The following FAM117A variants were observed in gnomAD, a reference collection of about 807,000 sequenced individuals.
The protein encoded by FAM117A is family with sequence similarity 117 member A, also known as protein FAM117A.
In FAM117A, 21 loss-of-function variants were observed where a neutral mutation model predicts 44.1. The observed-to-expected ratio is 0.48, with a 90% CI of 0.34 to 0.69. FAM117A has a LOEUF of 0.69. FAM117A is among the 30% of genes least tolerant of loss of function. The pLI is 0.01. For synonymous variants in FAM117A, 220 were observed against 238.3 expected, an observed-to-expected ratio of 0.92 and a Z score of 0.71; for missense variants, 498 against 589.9, an observed-to-expected ratio of 0.84 and a Z score of 1.61.
At chr17:49,738,801 C>G (rs969707985) in intron 1 of FAM117A, among the ~76,000 whole-genome samples, 2 of 152,100 alleles carry the variant, frequency 1.3e-5, no homozygotes, top group Non-Finnish European at 2.9e-5. Flanking sequence ...AGGGAGGGGA[C>G]TTTTTTTAAA....
chr17:49,728,924 G>A (rs895435932), intron 2 of FAM117A, among the ~76,000 whole-genome samples: 5 of 152,144 alleles, frequency 3.3e-5, no homozygotes, highest in African/African-American at 9.7e-5. Flanking sequence ...ATATCCGCAC[G>A]CTTCCTCTTT....
In FAM117A at chr17:49,764,105, G is replaced by A. The variant is rs1318304028; in HGVS notation, c.-18C>T. 1.6e-6 allele frequency: 2 copies of A among 1,247,868 alleles called. No individual in the cohort carries two copies. Among genetic ancestry groups the A allele is most frequent in the Non-Finnish European group, 2.0e-6 (2 of 985,038 alleles). 77.3% of individuals were successfully genotyped at this position (1,247,868 alleles called of 1,614,324 possible). A position where few individuals can be genotyped will look rare whatever the true frequency, so the allele number is the denominator to read the frequency against. On this transcript the variant is annotated 5_prime_UTR_variant, in exon 1 of 8. Coordinates refer to ENST00000240364, the MANE Select transcript of FAM117A (RefSeq NM_030802.4). ...CCCGCCATGGCTCTCCCGGCTGCCT[G>A]CCTCAGCCCCACTGCGAGACTCACA... is the stretch of plus-strand genomic sequence containing the variant.
At chr17:49,766,916 G>A (rs138708837), upstream of FAM117A, among the ~76,000 whole-genome samples, 2 of 152,284 alleles carry the variant, frequency 1.3e-5, no homozygotes, top group East Asian at 3.9e-4. Context: ...TTATTCCAAA[G>A]CCAAGGTACC....
At chr17:49,726,732 C>T (rs1037575942) in intron 2 of FAM117A, among the ~76,000 whole-genome samples, 2 of 151,896 alleles carry the variant, frequency 1.3e-5, no homozygotes, top group East Asian at 3.9e-4. Context: ...ATCCCAGCAC[C>T]TTGGGAAGCC....
chr17:49,788,086 C>T (rs1441131496), intron 1 of FAM117A, among the ~76,000 whole-genome samples: 1 of 152,198 alleles, frequency 6.6e-6, no homozygotes, highest in Non-Finnish European at 1.5e-5. Context: ...GTTTTGCCTC[C>T]TCCCCGCGAC....
intron 1 of FAM117A, among the ~76,000 whole-genome samples, chr17:49,777,622 T>C (rs2073778835): frequency 6.6e-6 from 1 of 152,082 alleles, no homozygotes; most frequent in Non-Finnish European, 1.5e-5. Context: ...GAACCCTCCA[T>C]GGCTCCAAGA....
At chr17:49,765,415 TC>T (rs1366932192), upstream of FAM117A, among the ~76,000 whole-genome samples, 5 of 152,284 alleles carry the variant, frequency 3.3e-5, no homozygotes, top group African/African-American at 1.2e-4. Context: ...TACTAACTAA[TC>T]AGAGAAAAAG....
chr17:49,711,153 C>T lies in FAM117A; in HGVS notation c.*102G>A, dbSNP rs781643668. The T allele has an allele frequency of 3.4e-6, 4 of 1,190,652 alleles. No individual in the cohort carries two copies. The highest frequency in any genetic ancestry group is 1.6e-5 in the South Asian group (1 of 64,110). 73.8% of individuals were successfully genotyped at this position (1,190,652 alleles called of 1,614,324 possible). A position where few individuals can be genotyped will look rare whatever the true frequency, so the allele number is the denominator to read the frequency against. On this transcript the variant is annotated 3_prime_UTR_variant, in exon 8 of 8. Coordinates refer to ENST00000240364, the MANE Select transcript of FAM117A (RefSeq NM_030802.4). Reference sequence around the variant, plus strand: ...TAAGTGAAAGAAAGTGCTCGAAGGCCGAGAGGGAAGGGCCCCTCCATACCC... The same window carrying T: ...TAAGTGAAAGAAAGTGCTCGAAGGCTGAGAGGGAAGGGCCCCTCCATACCC...
At chr17:49,723,966 T>C (rs1328724641) in intron 2 of FAM117A, among the ~76,000 whole-genome samples, 1 of 152,156 alleles carries the variant, frequency 6.6e-6, no homozygotes, top group Non-Finnish European at 1.5e-5. Context: ...CAGAGATCCA[T>C]TTCCCCACAA....
At chr17:49,731,697 C>T (rs911807560) in intron 2 of FAM117A, among the ~76,000 whole-genome samples, 2 of 152,340 alleles carry the variant, frequency 1.3e-5, no homozygotes, top group South Asian at 4.1e-4. Flanking sequence ...TATTCTGGCT[C>T]AGCATACTTT....
At chr17:49,762,684 C>A (rs553714762) in intron 1 of FAM117A, among the ~76,000 whole-genome samples, 1 of 152,164 alleles carries the variant, frequency 6.6e-6, no homozygotes, top group Non-Finnish European at 1.5e-5. Context: ...TGTCATTAAC[C>A]GTTAAGACGG....
rs1303599189 is a variant in FAM117A at position 49,732,382 on chromosome 17, G to T, written c.366+169C>A. On this transcript the variant is annotated intron_variant, in intron 2 of 7. Transcript: ENST00000240364. ...ATCGCACCACTGCACTCCAGCCTGG[G>T]TGACAAAAGGAAACTCTGTCTTAAG... 6.5e-6 allele frequency: 4 copies of T among 615,802 alleles called. No homozygotes were observed. In the East Asian group the frequency reaches 9.2e-5, roughly 14 times the overall value. 38.1% of individuals were successfully genotyped at this position (615,802 alleles called of 1,614,324 possible). A position where few individuals can be genotyped will look rare whatever the true frequency, so the allele number is the denominator to read the frequency against.
At chr17:49,749,171 C>T (rs566292034) in intron 1 of FAM117A, among the ~76,000 whole-genome samples, 1 of 152,292 alleles carries the variant, frequency 6.6e-6, no homozygotes, top group East Asian at 1.9e-4. Flanking sequence ...GTATACCTGG[C>T]ATCACTTTGT....
Position 49,722,561 on chromosome 17 carries a change from G to T in FAM117A, c.400C>A (p.Arg134Ser), listed in dbSNP as rs369629683. The change falls in exon 3 of 8, where the codon CGT becomes AGT. Residue 134 changes from arginine (R) to serine (S), a missense_variant. By Grantham distance (110) the Arg-to-Ser change is moderately radical (BLOSUM62 -1). Around this residue, in one of 3 missense-constraint regions of FAM117A, gnomAD observed 270 missense variants for 277.4 expected, o/e 0.97. Coordinates refer to ENST00000240364, the MANE Select transcript of FAM117A (RefSeq NM_030802.4). ...CGCTTGTGTGCACAGGAACTGGCAC[G>T]CTCACCTTCTAGCTCTTGCCAGGAC... ...PLSWQELEGE[R>S]ASSCAHKRSA... The T allele has an allele frequency of 3.1e-6, 5 of 1,613,976 alleles. No homozygotes were observed. The highest frequency in any genetic ancestry group is 1.7e-5 in the Admixed American group (1 of 60,016).
chr17:49,771,207 C>CAATA (rs1226738426), intron 1 of FAM117A, among the ~76,000 whole-genome samples: 1 of 151,868 alleles, frequency 6.6e-6, no homozygotes, highest in African/African-American at 2.4e-5. Context: ...ATCTCTGTCT[C>CAATA]AATAAATAAA....
intron 7 of FAM117A, among the ~76,000 whole-genome samples, chr17:49,713,345 C>T (rs1460054931): frequency 6.6e-6 from 1 of 152,168 alleles, no homozygotes; most frequent in East Asian, 1.9e-4. Flanking sequence ...CCCTAAGAAG[C>T]TGACGGTTTG....
intron 1 of FAM117A, among the ~76,000 whole-genome samples, chr17:49,781,833 G>A (rs978931888): frequency 2.6e-5 from 4 of 151,964 alleles, no homozygotes; most frequent in Admixed American, 6.6e-5. Context: ...AAAAATTAGC[G>A]GGGTATGGTG....
rs75633085 is a variant in FAM117A at position 49,737,592 on chromosome 17, C to T, written c.197-4872G>A. On this transcript the variant is annotated intron_variant, in intron 1 of 7. Coordinates refer to ENST00000240364, the MANE Select transcript of FAM117A (RefSeq NM_030802.4). ...CCTGGAGCTGCTTCTCCCATGCCCTCATCTGAAGTCCCTGCAAAAATCTCT... is the reference window on the plus strand; with the variant it reads ...CCTGGAGCTGCTTCTCCCATGCCCTTATCTGAAGTCCCTGCAAAAATCTCT... Among the ~76,000 whole-genome samples the T allele has an allele frequency of 6.1e-3, 925 of 152,322 alleles. 9 individuals are homozygous for T. Among genetic ancestry groups the T allele is most frequent in the African/African-American group, 0.021 (889 of 41,574 alleles).
chr17:49,779,486 G>A (rs770316196), intron 1 of FAM117A, among the ~76,000 whole-genome samples: 2 of 152,242 alleles, frequency 1.3e-5, no homozygotes, highest in African/African-American at 2.4e-5. Context: ...GGGGCAGGGT[G>A]GAGGGTGGGT....
Sources: gnomAD v4.1 joint callset for allele counts (sites outside exome capture counted in the v4.1 genomes callset) on GRCh38, gnomAD v4.1.1 for gene constraint, gnomAD v4.1.1 regional missense constraint, MANE v1.5 for transcripts, NCBI Gene and HGNC (gene_info 2026-07-23, HGNC 2026-07-21) for gene names.